The following CTNNA3 variants were observed in gnomAD, a reference collection of about 807,000 sequenced individuals.
CTNNA3 encodes catenin alpha 3.
In CTNNA3, 76 loss-of-function variants were observed where a neutral mutation model predicts 95.7. The observed-to-expected ratio is 0.79, with a 90% CI of 0.66 to 0.96. CTNNA3 has a LOEUF of 0.96. CTNNA3 is among the 40% of genes least tolerant of loss of function. The pLI, the probability that CTNNA3 is intolerant of heterozygous loss-of-function variation, is 0.00. For synonymous variants in CTNNA3, 431 were observed against 374.4 expected, an observed-to-expected ratio of 1.15 and a Z score of -1.74; for missense variants, 1,191 against 1,089.8, an observed-to-expected ratio of 1.09 and a Z score of -1.31.
At chr10:67,173,826 C>A (rs1862120580) in intron 7 of CTNNA3, among the ~76,000 whole-genome samples, 1 of 152,166 alleles carries the variant, frequency 6.6e-6, no homozygotes, top group Non-Finnish European at 1.5e-5. Flanking sequence ...TGCCTAAACA[C>A]TAGGGAGTAA....
At chr10:66,696,925 A>G (rs1847787403) in intron 9 of CTNNA3, among the ~76,000 whole-genome samples, 1 of 152,100 alleles carries the variant, frequency 6.6e-6, no homozygotes, top group Non-Finnish European at 1.5e-5. Flanking sequence ...TCTCTGAAGA[A>G]AGAAAGAAAT....
chr10:66,826,848 T>C (rs1842534467), intron 7 of CTNNA3, among the ~76,000 whole-genome samples: 1 of 152,190 alleles, frequency 6.6e-6, no homozygotes, highest in African/African-American at 2.4e-5. Context: ...ATCTGGCTTT[T>C]CACAGAAACC....
chr10:66,998,839 G>A (rs545053707), intron 7 of CTNNA3, among the ~76,000 whole-genome samples: 2 of 152,138 alleles, frequency 1.3e-5, no homozygotes, highest in East Asian at 1.9e-4. Context: ...TACAAATAAT[G>A]CAACTAAGAA....
chr10:67,130,674 A>G (rs1859951459), intron 7 of CTNNA3, among the ~76,000 whole-genome samples: 1 of 152,098 alleles, frequency 6.6e-6, no homozygotes, highest in Admixed American at 6.6e-5. Flanking sequence ...AAATTAATAC[A>G]TTTTAGCATA....
intron 17 of CTNNA3, among the ~76,000 whole-genome samples, chr10:65,922,801 C>T (rs10996777): frequency 0.038 from 5,785 of 152,062 alleles, 172 homozygotes; most frequent in East Asian, 0.15. Context: ...AGATACTACC[C>T]GAGACTGGGT....
intron 13 of CTNNA3, among the ~76,000 whole-genome samples, chr10:66,252,691 T>G (rs1327821960): frequency 6.6e-6 from 1 of 152,114 alleles, no homozygotes; most frequent in Non-Finnish European, 1.5e-5. Flanking sequence ...TAAAAATTAT[T>G]ATAGATAAAG....
chr10:67,222,253 C>T (rs1416031704), intron 5 of CTNNA3, among the ~76,000 whole-genome samples: 1 of 152,190 alleles, frequency 6.6e-6, no homozygotes, highest in Non-Finnish European at 1.5e-5. Context: ...TATCAACCCA[C>T]TGTTCATAGT....
chr10:65,954,256 G>A (rs2077684594), intron 17 of CTNNA3, among the ~76,000 whole-genome samples: 1 of 152,174 alleles, frequency 6.6e-6, no homozygotes, highest in African/African-American at 2.4e-5. Flanking sequence ...TTGTAAATTT[G>A]TTTAAGTTCT....
chr10:67,074,277 G>A (rs147296772), intron 7 of CTNNA3, among the ~76,000 whole-genome samples: 11 of 146,742 alleles, frequency 7.5e-5, no homozygotes, highest in East Asian at 4.1e-4. Flanking sequence ...TGATCTGCCC[G>A]CCTTGGCCCC....
At chr10:67,270,847 G>T (rs1838944500) in intron 5 of CTNNA3, among the ~76,000 whole-genome samples, 1 of 152,062 alleles carries the variant, frequency 6.6e-6, no homozygotes, top group Non-Finnish European at 1.5e-5. Flanking sequence ...TAACAACAAA[G>T]AAAAATTCTT....
At chr10:66,635,595 T>C (rs1472061557) in intron 9 of CTNNA3, among the ~76,000 whole-genome samples, 1 of 152,166 alleles carries the variant, frequency 6.6e-6, no homozygotes, top group African/African-American at 2.4e-5. Flanking sequence ...TATTGCACTG[T>C]TCAAATGCTA....
At chr10:66,710,574 A>C (rs1281713732) in intron 9 of CTNNA3, among the ~76,000 whole-genome samples, 2 of 151,960 alleles carry the variant, frequency 1.3e-5, no homozygotes, top group Non-Finnish European at 2.9e-5. Context: ...TATCTTTGTG[A>C]TAATGAAGAA....
At chr10:66,409,443 T>G (rs1046115901) in intron 11 of CTNNA3, among the ~76,000 whole-genome samples, 1 of 152,144 alleles carries the variant, frequency 6.6e-6, no homozygotes, top group Non-Finnish European at 1.5e-5. Flanking sequence ...AGAGATGAAC[T>G]TGGGAATCTT....
chr10:66,506,125 C>T (rs942636525), intron 11 of CTNNA3, among the ~76,000 whole-genome samples: 5 of 152,092 alleles, frequency 3.3e-5, no homozygotes, highest in African/African-American at 1.2e-4. Context: ...TTCAAATAAC[C>T]TGCCCTTGCA....
chr10:66,623,894 C>A lies in CTNNA3; in HGVS notation c.1282-2110G>T, dbSNP rs186960628. On this transcript the variant is annotated intron_variant, in intron 9 of 17. Coordinates refer to ENST00000433211, the MANE Select transcript of CTNNA3 (RefSeq NM_013266.4). ...ATGTTACATCAGTGTGTGAATAAAG[C>A]CAAATTTCTTCTAATGATGATTCTT... is the stretch of plus-strand genomic sequence containing the variant. Among the ~76,000 whole-genome samples, 285 of 152,216 alleles carry A rather than the reference C, an allele frequency of 1.9e-3. 4 individuals are homozygous for A. The highest frequency in any genetic ancestry group is 5.3e-4 in the Non-Finnish European group (36 of 67,984).
At chr10:66,996,682 GTCAA>G (rs1851372181) in intron 7 of CTNNA3, among the ~76,000 whole-genome samples, 1 of 105,990 alleles carries the variant, frequency 9.4e-6, no homozygotes, top group African/African-American at 3.1e-5. Context: ...GCATGTTTGT[GTCAA>G]TCACTTATGT....
chr10:66,520,701 T>G lies in CTNNA3; in HGVS notation c.1447A>C (p.Lys483Gln), dbSNP rs1841032432. ...QAVKNTMEMY[K>Q]RTWENHIHVL... The stretch of plus-strand genomic sequence containing the variant: ...TGTATATGATTCTCCCATGTACGCT[T>G]GTACATTTCCATGGTGTTTTTGACC... Residue 483 changes from lysine to glutamine, a missense_variant, in exon 11 of 18, where the codon AAG (lysine) becomes CAG (glutamine). Lys to Gln is a moderately conservative substitution (Grantham distance 53). Transcript: ENST00000433211. The G allele has an allele frequency of 6.2e-7, 1 of 1,612,160 alleles. No individual in the cohort carries two copies. Among genetic ancestry groups the G allele is most frequent in the African/African-American group, 1.3e-5 (1 of 74,946 alleles).
chr10:67,612,414 A>G (rs1476689019), intron 2 of CTNNA3, among the ~76,000 whole-genome samples: 2 of 152,234 alleles, frequency 1.3e-5, no homozygotes. Flanking sequence ...TTAAGAACAG[A>G]TAATTTTCTA....
chr10:67,304,895 T>TTA (rs1469850924), intron 5 of CTNNA3, among the ~76,000 whole-genome samples: 1 of 151,768 alleles, frequency 6.6e-6, no homozygotes, highest in African/African-American at 2.4e-5. Flanking sequence ...AAGAGTATAG[T>TTA]AAGTCAAGCA....
Sources: gnomAD v4.1 joint callset for allele counts (sites outside exome capture counted in the v4.1 genomes callset) on GRCh38, gnomAD v4.1.1 for gene constraint, MANE v1.5 for transcripts, NCBI Gene and HGNC (gene_info 2026-07-23, HGNC 2026-07-21) for gene names.